Variants in CHST11 observed in about 807,000 individuals in gnomAD.
The protein encoded by CHST11 is C4S-1.
Under a neutral mutation model 30.4 loss-of-function variants are expected in CHST11, and 9 were observed. That is an observed-to-expected ratio of 0.30 (90% CI 0.18 to 0.52). The LOEUF (loss-of-function observed/expected upper bound fraction) is 0.52. CHST11 is among the 20% of genes least tolerant of loss of function. CHST11 has a pLI of 0.97. For missense variants in CHST11, 348 were observed against 460.6 expected (o/e 0.76, Z 2.24); for synonymous variants, 152 against 187.8 (o/e 0.81, Z 1.56).
intron 2 of CHST11, among the ~76,000 whole-genome samples, chr12:104,751,591 C>G (rs1300211411): frequency 2.0e-5 from 3 of 152,206 alleles, no homozygotes; most frequent in Non-Finnish European, 4.4e-5. Context: ...CTTTGAGATT[C>G]CTATCCAGGC....
intron 1 of CHST11, among the ~76,000 whole-genome samples, chr12:104,522,594 A>G (rs1437529365): frequency 6.6e-5 from 10 of 152,112 alleles, no homozygotes; most frequent in Non-Finnish European, 1.5e-5. Flanking sequence ...ATCTCTGGAG[A>G]TGGGCCCTAT....
chr12:104,652,103 G>A (rs998465116), intron 2 of CHST11, among the ~76,000 whole-genome samples: 5 of 152,170 alleles, frequency 3.3e-5, no homozygotes, highest in African/African-American at 9.7e-5. Flanking sequence ...CCCTAATGCA[G>A]TCGCCGCTCC....
At chr12:104,690,282 G>A (rs1264539289) in intron 2 of CHST11, among the ~76,000 whole-genome samples, 1 of 152,212 alleles carries the variant, frequency 6.6e-6, no homozygotes, top group African/African-American at 2.4e-5. Flanking sequence ...TTGGGACTCC[G>A]TGAGGATTTA....
At chr12:104,618,158 C>T (rs912399895) in intron 2 of CHST11, among the ~76,000 whole-genome samples, 3 of 151,578 alleles carry the variant, frequency 2.0e-5, no homozygotes, top group East Asian at 1.9e-4. Flanking sequence ...CTGCCTGCCT[C>T]GGCCTCCCAA....
intron 2 of CHST11, among the ~76,000 whole-genome samples, chr12:104,610,837 A>AG (rs1393281732): frequency 6.6e-6 from 1 of 152,192 alleles, no homozygotes; most frequent in Admixed American, 6.5e-5. Context: ...CTGAGATCTG[A>AG]GGCACATGGC....
At chr12:104,562,899 GTTAAAGGGGCATTCTTGA>G (rs147773404) in intron 1 of CHST11, among the ~76,000 whole-genome samples, 1,901 of 152,294 alleles carry the variant, frequency 0.012, 65 homozygotes, top group East Asian at 0.12. Context: ...CACATAATGG[GTTAAAGGGGCATTCTTGA>G]TTCTCCACTG....
chr12:104,513,122 C>CTGG (rs1410382550), intron 1 of CHST11, among the ~76,000 whole-genome samples: 184 of 1,356 alleles, frequency 0.14, 6 homozygotes, highest in East Asian at 0.33. Flanking sequence ...AATGTCATGA[C>CTGG]TGGGGGGGGG....
intron 2 of CHST11, among the ~76,000 whole-genome samples, chr12:104,722,196 T>TGTGTGTGTGTGTGTG (rs1555247521): frequency 1.3e-5 from 1 of 75,012 alleles, no homozygotes; most frequent in African/African-American, 8.1e-5. Context: ...GTGTATGAGA[T>TGTGTGTGTGTGTGTG]TTTACCATTG....
intron 1 of CHST11, among the ~76,000 whole-genome samples, chr12:104,524,632 G>A (rs1324249119): frequency 1.3e-5 from 2 of 151,224 alleles, no homozygotes; most frequent in South Asian, 2.1e-4. Context: ...CCATCCGTCC[G>A]TCCATCCATT....
At chr12:104,476,954 A>G (rs1169812795) in intron 1 of CHST11, among the ~76,000 whole-genome samples, 1 of 152,062 alleles carries the variant, frequency 6.6e-6, no homozygotes, top group Non-Finnish European at 1.5e-5. Context: ...GCATGTCTGA[A>G]TGAATGAGCC....
chr12:104,693,807 C>G (rs1012104935), intron 2 of CHST11, among the ~76,000 whole-genome samples: 6 of 152,102 alleles, frequency 3.9e-5, no homozygotes, highest in Non-Finnish European at 8.8e-5. Context: ...GATACCAAGG[C>G]CTCAATCTAG....
At chr12:104,473,648 C>CT (rs145335565) in intron 1 of CHST11, among the ~76,000 whole-genome samples, 3,988 of 152,128 alleles carry the variant, frequency 0.026, 131 homozygotes, top group East Asian at 0.16. Flanking sequence ...AAGACTGCCT[C>CT]TTTTTTTAGG....
chr12:104,756,974 T>C lies in CHST11; in HGVS notation c.230T>C (p.Leu77Pro). ...IQLELSNTAV[L>P]HQMRRDQVTD... is the part of the protein sequence containing the mutation. Reference sequence around the variant, plus strand: ...CTGGAGCTCTCAAACACTGCTGTCCTGCACCAGATGCGGCGGGACCAGGTG... The same window carrying C: ...CTGGAGCTCTCAAACACTGCTGTCCCGCACCAGATGCGGCGGGACCAGGTG... The change falls in exon 3 of 3, where the codon CTG (leucine) becomes CCG (proline). Residue 77 changes from leucine to proline, a missense_variant. Coordinates refer to ENST00000303694, the MANE Select transcript of CHST11 (RefSeq NM_018413.6). 2 of 1,613,624 alleles carry C rather than the reference T, an allele frequency of 1.2e-6. No homozygotes were observed. The highest frequency in any genetic ancestry group is 1.7e-6 in the Non-Finnish European group (2 of 1,179,960).
intron 1 of CHST11, among the ~76,000 whole-genome samples, chr12:104,547,797 G>A (rs1164598272): frequency 1.3e-5 from 2 of 152,034 alleles, no homozygotes; most frequent in Non-Finnish European, 2.9e-5. Context: ...TATCTATCTC[G>A]TGAATTTATT....
chr12:104,641,244 G>A (rs116052348), intron 2 of CHST11, among the ~76,000 whole-genome samples: 1,909 of 152,252 alleles, frequency 0.013, 37 homozygotes, highest in African/African-American at 0.043. Flanking sequence ...TGCCAGACAA[G>A]AACTCAGGTG....
chr12:104,478,473 C>A (rs530773290), intron 1 of CHST11, among the ~76,000 whole-genome samples: 1 of 152,244 alleles, frequency 6.6e-6, no homozygotes, highest in South Asian at 2.1e-4. Context: ...TCCCCATAGT[C>A]TCTTTTATGT....
intron 1 of CHST11, among the ~76,000 whole-genome samples, chr12:104,573,836 G>A (rs973655489): frequency 1.3e-5 from 2 of 152,124 alleles, no homozygotes; most frequent in Non-Finnish European, 2.9e-5. Flanking sequence ...AAAGCAATGG[G>A]AACAGAAGCC....
At chr12:104,694,993 A>G (rs1309474668) in intron 2 of CHST11, among the ~76,000 whole-genome samples, 1 of 152,176 alleles carries the variant, frequency 6.6e-6, no homozygotes, top group Non-Finnish European at 1.5e-5. Context: ...CACAGCAGCC[A>G]AGAAAGATCT....
At chr12:104,572,307 A>T (rs2038635953) in intron 1 of CHST11, among the ~76,000 whole-genome samples, 1 of 151,706 alleles carries the variant, frequency 6.6e-6, no homozygotes, top group South Asian at 2.1e-4. Flanking sequence ...TCCTCCTTGT[A>T]CCTCTGGTAG....
Sources: allele counts gnomAD v4.1 joint callset (sites outside exome capture counted in the v4.1 genomes callset), GRCh38; gene constraint gnomAD v4.1.1; transcripts MANE v1.5; gene names NCBI Gene and HGNC (gene_info 2026-07-23, HGNC 2026-07-21).